EPHA6: variants seen among roughly 807,000 people sequenced by gnomAD.
EPHA6 encodes the protein EPH receptor A6.
In EPHA6, 50 loss-of-function variants were observed where a neutral mutation model predicts 112.0. The ratio of observed to expected loss-of-function variants is 0.45; its 90% CI spans 0.36 to 0.56. EPHA6 has a LOEUF of 0.56. Ranked by LOEUF, EPHA6 falls within the 20% of genes least tolerant of loss-of-function variation. EPHA6 has a pLI of 0.00. For synonymous variants in EPHA6, 529 were observed against 490.7 expected, an observed-to-expected ratio of 1.08 and a Z score of -1.03; for missense variants, 1,280 against 1,417.4, an observed-to-expected ratio of 0.90 and a Z score of 1.56.
At chr3:97,407,106 T>C (rs1025988238) in intron 6 of EPHA6, among the ~76,000 whole-genome samples, 1 of 152,064 alleles carries the variant, frequency 6.6e-6, no homozygotes, top group Non-Finnish European at 1.5e-5. Flanking sequence ...TTGCAATATT[T>C]CTAAGTTAGG....
At chr3:97,492,861 G>A (rs1299765053) in intron 10 of EPHA6, among the ~76,000 whole-genome samples, 2 of 151,962 alleles carry the variant, frequency 1.3e-5, no homozygotes, top group African/African-American at 4.8e-5. Flanking sequence ...ATTAGAAGTG[G>A]TAGAATAAAT....
At chr3:97,559,301 C>T (rs1240821366) in intron 11 of EPHA6, among the ~76,000 whole-genome samples, 1 of 152,014 alleles carries the variant, frequency 6.6e-6, no homozygotes, top group Non-Finnish European at 1.5e-5. Flanking sequence ...AAATGCAATG[C>T]ATATGAATTG....
intron 15 of EPHA6, among the ~76,000 whole-genome samples, chr3:97,724,423 G>A (rs562287424): frequency 1.6e-4 from 24 of 152,176 alleles, no homozygotes; most frequent in Admixed American, 3.9e-4. Context: ...TTAAGCATGC[G>A]CCAGTCATTA....
chr3:97,649,191 T>C (rs2094089698), intron 14 of EPHA6, among the ~76,000 whole-genome samples: 1 of 152,090 alleles, frequency 6.6e-6, no homozygotes, highest in Non-Finnish European at 1.5e-5. Flanking sequence ...CTCACAATCA[T>C]GGCAGAAGTG....
intron 10 of EPHA6, among the ~76,000 whole-genome samples, chr3:97,518,617 C>T (rs1342193203): frequency 6.6e-6 from 1 of 151,688 alleles, no homozygotes; most frequent in Admixed American, 6.6e-5. Context: ...TAAGTGTAAC[C>T]GTTTTTCTGC....
At chr3:97,611,518 A>G (rs1212714523) in intron 13 of EPHA6, among the ~76,000 whole-genome samples, 1 of 151,952 alleles carries the variant, frequency 6.6e-6, no homozygotes, top group East Asian at 1.9e-4. Context: ...TATTTATAAT[A>G]CATTTAAGAT....
In EPHA6 at chr3:96,866,886, T is replaced by A; in HGVS notation, c.447T>A (p.Asn149Lys). 2 of 1,468,130 alleles carry A rather than the reference T, an allele frequency of 1.4e-6. No homozygotes were observed. Among genetic ancestry groups the A allele is most frequent in the Non-Finnish European group, 1.8e-6 (2 of 1,101,200 alleles). The allele number at this position is 1,468,130 out of a possible 1,614,324, so 90.9% of individuals were successfully genotyped here. Residue 149 changes from asparagine to lysine, a missense_variant, in exon 2 of 18, where the codon AAT (asparagine) becomes AAA (lysine). Coordinates refer to ENST00000389672, the MANE Select transcript of EPHA6 (RefSeq NM_001080448.3). ...TAGGATGGAAAACATATCCATTAAA[T>A]GGGGTAAGTTTAAATATCTGAAAAA... Reference protein sequence around the residue: ...GELGWKTYPLNGWDAITEMDE... With the variant: ...GELGWKTYPLKGWDAITEMDE...
At chr3:97,077,084 C>T (rs2046551468) in intron 3 of EPHA6, among the ~76,000 whole-genome samples, 1 of 152,088 alleles carries the variant, frequency 6.6e-6, no homozygotes, top group Admixed American at 6.6e-5. Context: ...TTAATCTTAT[C>T]ATTTAAGAAT....
At chr3:96,964,568 C>A (rs998719726) in intron 2 of EPHA6, among the ~76,000 whole-genome samples, 3 of 151,994 alleles carry the variant, frequency 2.0e-5, no homozygotes, top group African/African-American at 7.3e-5. Flanking sequence ...GTTATACGAT[C>A]TGTGTTTGTT....
intron 3 of EPHA6, among the ~76,000 whole-genome samples, chr3:97,037,366 A>G (rs2045139243): frequency 6.6e-6 from 1 of 152,040 alleles, no homozygotes; most frequent in African/African-American, 2.4e-5. Flanking sequence ...CTTTAAGTAG[A>G]TGGCGGTTTG....
At chr3:96,960,771 G>A (rs1349538497) in intron 2 of EPHA6, among the ~76,000 whole-genome samples, 1 of 152,062 alleles carries the variant, frequency 6.6e-6, no homozygotes, top group Admixed American at 6.6e-5. Context: ...TTTTATTCTA[G>A]GTTGTTATTT....
At chr3:97,364,306 C>T (rs1419104219) in intron 5 of EPHA6, among the ~76,000 whole-genome samples, 1 of 150,210 alleles carries the variant, frequency 6.7e-6, no homozygotes, top group African/African-American at 2.4e-5. Context: ...TATGGTAGAA[C>T]CTGTTAGTGT....
At chr3:96,930,911 G>T (rs543964185) in intron 2 of EPHA6, among the ~76,000 whole-genome samples, 1 of 140,820 alleles carries the variant, frequency 7.1e-6, no homozygotes, top group Non-Finnish European at 1.5e-5. Flanking sequence ...AGAATCACTT[G>T]AACCTGGGAG....
At chr3:97,290,576 T>C (rs770978512) in intron 5 of EPHA6, among the ~76,000 whole-genome samples, 1 of 152,182 alleles carries the variant, frequency 6.6e-6, no homozygotes, top group Non-Finnish European at 1.5e-5. Context: ...TCTCTCTCTG[T>C]TTAGATTTTC....
chr3:97,347,953 T>C (rs1445283319), intron 5 of EPHA6, among the ~76,000 whole-genome samples: 2 of 152,110 alleles, frequency 1.3e-5, no homozygotes, highest in Non-Finnish European at 2.9e-5. Context: ...TACAGAGTCT[T>C]ATCTGATTTT....
At chr3:97,658,122 G>A (rs927908529) in intron 14 of EPHA6, among the ~76,000 whole-genome samples, 1 of 151,760 alleles carries the variant, frequency 6.6e-6, no homozygotes, top group Non-Finnish European at 1.5e-5. Flanking sequence ...ATTATTCTTA[G>A]CATTATGCTT....
At chr3:97,000,751 A>G (rs890532781) in intron 3 of EPHA6, among the ~76,000 whole-genome samples, 2 of 151,642 alleles carry the variant, frequency 1.3e-5, no homozygotes, top group Non-Finnish European at 3.0e-5. Context: ...TAATTACGGT[A>G]ATCAGGATTT....
At chr3:97,139,262 A>G (rs1265422924) in intron 3 of EPHA6, among the ~76,000 whole-genome samples, 2 of 152,180 alleles carry the variant, frequency 1.3e-5, no homozygotes, top group African/African-American at 4.8e-5. Context: ...CACTGCCACC[A>G]ACACAGCTGC....
chr3:97,030,725 T>C (rs2044799315), intron 3 of EPHA6, among the ~76,000 whole-genome samples: 1 of 152,024 alleles, frequency 6.6e-6, no homozygotes, highest in African/African-American at 2.4e-5. Context: ...AAGTATCTAG[T>C]GGGTGAAATA....
Sources: gnomAD v4.1 joint callset for allele counts (sites outside exome capture counted in the v4.1 genomes callset) on GRCh38, gnomAD v4.1.1 for gene constraint, MANE v1.5 for transcripts, NCBI Gene and HGNC (gene_info 2026-07-23, HGNC 2026-07-21) for gene names.